The following SORCS2 variants were observed in gnomAD, a reference collection of about 807,000 sequenced individuals.
SORCS2 encodes sortilin related VPS10 domain containing receptor 2.
A neutral mutation model predicts 141.6 loss-of-function variants in SORCS2; 100 were observed. That is an observed-to-expected ratio of 0.71 (90% CI 0.60 to 0.83). The LOEUF (loss-of-function observed/expected upper bound fraction) is 0.83. SORCS2 is among the 40% of genes least tolerant of loss of function. The pLI, the probability that SORCS2 is intolerant of heterozygous loss-of-function variation, is 0.00. For missense variants in SORCS2, 1,646 were observed against 1,560.2 expected (o/e 1.05, Z -0.93); for synonymous variants, 789 against 676.9 (o/e 1.17, Z -2.57).
At chr4:7,500,584 A>G (rs188750066) in intron 2 of SORCS2, among the ~76,000 whole-genome samples, 3 of 112,678 alleles carry the variant, frequency 2.7e-5, no homozygotes, top group African/African-American at 2.0e-4. Context: ...AACCACAGAA[A>G]GCACCAGTGT....
chr4:7,622,987 G>A lies in SORCS2; in HGVS notation c.649-15341G>A, dbSNP rs570591618. On this transcript the variant is annotated intron_variant, in intron 3 of 26. Coordinates refer to ENST00000507866, the MANE Select transcript of SORCS2 (RefSeq NM_020777.3). ...GAGCCACTCCCTGCCACTGAGGAGT[G>A]GAAACGCTAGGACTGACTGATGACC... Among the ~76,000 whole-genome samples, 25 of 152,176 alleles carry A rather than the reference G, an allele frequency of 1.6e-4. No individual in the cohort carries two copies. In the East Asian group the frequency reaches 4.1e-3, roughly 25 times the overall value.
chr4:7,315,280 C>G (rs987508009), intron 1 of SORCS2, among the ~76,000 whole-genome samples: 1 of 152,228 alleles, frequency 6.6e-6, no homozygotes, highest in African/African-American at 2.4e-5. Context: ...AATATCAAGT[C>G]TGACCATGAT....
chr4:7,359,070 G>A (rs1041938546), intron 1 of SORCS2, among the ~76,000 whole-genome samples: 3 of 152,200 alleles, frequency 2.0e-5, no homozygotes, highest in African/African-American at 7.2e-5. Context: ...CCGAGGCAGG[G>A]GGATCATCTG....
At chr4:7,559,205 G>A (rs184013333) in intron 3 of SORCS2, among the ~76,000 whole-genome samples, 14 of 152,288 alleles carry the variant, frequency 9.2e-5, no homozygotes, top group African/African-American at 2.9e-4. Flanking sequence ...CCTCCAAGAG[G>A]GCTGTGGCCC....
intron 3 of SORCS2, among the ~76,000 whole-genome samples, 186 bp from the exon 4 acceptor site, chr4:7,638,142 G>A (rs758598802): frequency 2.2e-4 from 34 of 152,252 alleles, no homozygotes; most frequent in Non-Finnish European, 1.3e-4. Flanking sequence ...GGGCGGGCCC[G>A]CCATTTCTGG....
intron 2 of SORCS2, among the ~76,000 whole-genome samples, chr4:7,478,863 G>A (rs910578023): frequency 3.3e-5 from 5 of 152,166 alleles, no homozygotes; most frequent in South Asian, 4.2e-4. Flanking sequence ...GGCCTGGGTC[G>A]GGGACCCTTC....
intron 23 of SORCS2, among the ~76,000 whole-genome samples, chr4:7,731,077 C>T (rs73204730): frequency 0.013 from 1,904 of 152,228 alleles, 13 homozygotes; most frequent in Non-Finnish European, 0.021. Context: ...CAGAAAGGAC[C>T]GGAGGCAATC....
At chr4:7,666,583 C>G (rs536709112) in intron 7 of SORCS2, among the ~76,000 whole-genome samples, 19 of 152,272 alleles carry the variant, frequency 1.2e-4, no homozygotes, top group African/African-American at 4.6e-4. Context: ...AGCTGCACCT[C>G]CTGTTCTGTG....
chr4:7,324,690 C>CA (rs149630775), intron 1 of SORCS2, among the ~76,000 whole-genome samples: 7 of 152,058 alleles, frequency 4.6e-5, no homozygotes, highest in Admixed American at 2.0e-4. Flanking sequence ...CTCCACCCTG[C>CA]AAAAAACAAA....
intron 18 of SORCS2, among the ~76,000 whole-genome samples, chr4:7,723,202 A>G (rs1029834791): frequency 8.5e-5 from 13 of 152,144 alleles, no homozygotes; most frequent in African/African-American, 2.9e-4. Context: ...GGTCTGAGAA[A>G]GAGAAAATTA....
chr4:7,434,030 T>C (rs779577160), intron 2 of SORCS2: 2 of 1,611,756 alleles, frequency 1.2e-6, no homozygotes, highest in East Asian at 4.5e-5. Flanking sequence ...TGCATCTCGC[T>C]CTGTTTCCTT....
intron 2 of SORCS2, among the ~76,000 whole-genome samples, chr4:7,436,483 C>G (rs111811878): frequency 6.6e-6 from 1 of 152,226 alleles, no homozygotes; most frequent in East Asian, 1.9e-4. Context: ...ACCCCCACGG[C>G]GCTGCCTTGG....
At chr4:7,198,634 G>T (rs896791318) in intron 1 of SORCS2, among the ~76,000 whole-genome samples, 1 of 152,144 alleles carries the variant, frequency 6.6e-6, no homozygotes, top group Non-Finnish European at 1.5e-5. Flanking sequence ...GGTGTCCAGC[G>T]GCCACCTGGA....
intron 1 of SORCS2, among the ~76,000 whole-genome samples, chr4:7,386,162 GAT>G (rs1254352841): frequency 3.4e-5 from 5 of 147,816 alleles, no homozygotes; most frequent in African/African-American, 1.3e-4. Context: ...GGTACACAGA[GAT>G]ACACATGCGC....
chr4:7,625,100 C>G (rs1342282731), intron 3 of SORCS2, among the ~76,000 whole-genome samples: 1 of 152,204 alleles, frequency 6.6e-6, no homozygotes, highest in Non-Finnish European at 1.5e-5. Flanking sequence ...TTTGCCTTGC[C>G]ATTAAATTTA....
intron 1 of SORCS2, among the ~76,000 whole-genome samples, chr4:7,257,239 C>T (rs368594545): frequency 3.9e-5 from 6 of 152,118 alleles, no homozygotes; most frequent in South Asian, 4.2e-4. Context: ...CAGGACGGAT[C>T]GGCGGTGAGG....
In SORCS2 at chr4:7,433,699, C is replaced by G. The variant is rs750805661; in HGVS notation, c.548+37344C>G. ...CAGCCTCTTGCACCCATTGCAGAAG[C>G]TGCCCTGGTTCTCCGCGTCCCACTC... On this transcript the variant is annotated intron_variant, in intron 2 of 26. Coordinates refer to ENST00000507866, the MANE Select transcript of SORCS2 (RefSeq NM_020777.3). 12 of 1,612,784 alleles carry G rather than the reference C, an allele frequency of 7.4e-6. No individual in the cohort carries two copies. The African/African-American group carries it at 8.0e-5, about 11-fold the overall frequency.
chr4:7,298,657 G>A (rs973969288), intron 1 of SORCS2, among the ~76,000 whole-genome samples: 2 of 152,188 alleles, frequency 1.3e-5, no homozygotes, highest in Admixed American at 6.5e-5. Flanking sequence ...TTCTGCAGCA[G>A]CCATGCCGCT....
rs1163224306 is a variant in SORCS2, at chr4:7,193,251, TGGGCACTTGGGTCACCTCG to T, written c.480+127_480+145del. Reference sequence around the variant, plus strand: ...CATCAGGGGCGGGTTCTTGGCGACTTGGGCACTTGGGTCACCTCGGCCGCGCCCCTACTGGCCTCTGGTC... The same window carrying T: ...CATCAGGGGCGGGTTCTTGGCGACTTGCCGCGCCCCTACTGGCCTCTGGTC... On this transcript the variant is annotated intron_variant, in intron 1 of 26. Transcript: ENST00000507866. The surrounding 1 kb of genome is among the most constrained non-coding windows in gnomAD (Gnocchi z 4.8). 4.1e-6 allele frequency: 5 copies of T among 1,223,554 alleles called. No homozygotes were observed. Among genetic ancestry groups the T allele is most frequent in the Non-Finnish European group, 5.2e-6 (5 of 961,738 alleles). The allele number at this position is 1,223,554 out of a possible 1,614,324, so 75.8% of individuals were successfully genotyped here.
Sources: gnomAD v4.1 joint callset for allele counts (sites outside exome capture counted in the v4.1 genomes callset) on GRCh38, gnomAD v4.1.1 for gene constraint, Gnocchi (gnomAD v3.1) non-coding constraint, MANE v1.5 for transcripts, NCBI Gene and HGNC (gene_info 2026-07-23, HGNC 2026-07-21) for gene names.